The following RAD52 variants were observed in gnomAD, a reference collection of about 807,000 sequenced individuals.
The protein encoded by RAD52 is DNA repair protein RAD52 homolog.
RAD52 carries 47 observed loss-of-function variants against 55.5 expected under a neutral mutation model. The observed-to-expected ratio is 0.85, with a 90% CI of 0.67 to 1.08. The LOEUF is 1.08. RAD52 is among the 50% of genes least tolerant of loss of function. The pLI, the probability that RAD52 is intolerant of heterozygous loss-of-function variation, is 0.00. For missense variants in RAD52, 468 were observed against 522.8 expected (o/e 0.90, Z 1.02); for synonymous variants, 184 against 198.9 (o/e 0.92, Z 0.63).
chr12:925,693 C>G (rs1477283799), intron 6 of RAD52, among the ~76,000 whole-genome samples, 168 bp from the exon 7 acceptor site: 1 of 152,144 alleles, frequency 6.6e-6, no homozygotes, highest in African/African-American at 2.4e-5. Context: ...CATGTTCCTG[C>G]ACTGTGTTAG....
intron 7 of RAD52, among the ~76,000 whole-genome samples, chr12:921,964 G>A (rs1246682580): frequency 4.6e-5 from 7 of 151,818 alleles, no homozygotes; most frequent in Middle Eastern, 3.4e-3. Context: ...AAATTAGCCC[G>A]GCATGGTGGC....
At chr12:925,425 C>T (rs757271884) in intron 7 of RAD52, 25 bp downstream of exon 7, 2 of 1,592,490 alleles carry the variant, frequency 1.3e-6, no homozygotes, top group African/African-American at 1.3e-5. Context: ...ATTATCTTCA[C>T]TCCACTCATC....
In RAD52 at chr12:963,530, T is replaced by A. The variant is rs12816367; in HGVS notation, c.-19+26279A>T. ...AAATTAATGATTTTTAATTATCCCA[T>A]CCATAAATATGGTATAGCTTTCCAC... On this transcript the variant is annotated intron_variant, in intron 1 of 11. Transcript: ENST00000430095. Among the ~76,000 whole-genome samples, 6 of 152,236 alleles carry A rather than the reference T, an allele frequency of 3.9e-5. No homozygotes were observed. The South Asian group carries it at 1.2e-3, about 32-fold the overall frequency.
At chr12:962,163 T>C (rs1958695017) in intron 1 of RAD52, among the ~76,000 whole-genome samples, 1 of 152,176 alleles carries the variant, frequency 6.6e-6, no homozygotes, top group African/African-American at 2.4e-5. Flanking sequence ...GTAAGATAAA[T>C]GGTCTACTGT....
At chr12:971,210 T>C (rs1958845819) in intron 1 of RAD52, among the ~76,000 whole-genome samples, 1 of 152,196 alleles carries the variant, frequency 6.6e-6, no homozygotes, top group African/African-American at 2.4e-5. Flanking sequence ...GCAACCAATA[T>C]GTACGTTCCT....
At chr12:970,146 A>C (rs1398572036) in intron 1 of RAD52, among the ~76,000 whole-genome samples, 1 of 151,878 alleles carries the variant, frequency 6.6e-6, no homozygotes, top group East Asian at 1.9e-4. Flanking sequence ...GTCTCTACTA[A>C]AAATACAAAA....
In RAD52 at chr12:912,103, A is replaced by AATT; in HGVS notation, c.*1285_*1287dup. 1 of 200,032 alleles carries AATT rather than the reference A, an allele frequency of 5.0e-6. No homozygotes were observed. Among genetic ancestry groups the AATT allele is most frequent in the African/African-American group, 2.3e-5 (1 of 43,538 alleles). 12.4% of individuals were successfully genotyped at this position (200,032 alleles called of 1,614,324 possible). On this transcript the variant is annotated 3_prime_UTR_variant, in exon 12 of 12. Coordinates refer to ENST00000358495, the MANE Select transcript of RAD52 (RefSeq NM_134424.4). The stretch of plus-strand genomic sequence containing the variant: ...AAACATCTGAGCACTATGAAAAGCC[A>AATT]ATTTATGGTCAAGGTGGGTTACATC...
chr12:970,681 T>C (rs965922075), intron 1 of RAD52, among the ~76,000 whole-genome samples: 2 of 152,066 alleles, frequency 1.3e-5, no homozygotes, highest in Admixed American at 6.6e-5. Flanking sequence ...GGAGAGGGCA[T>C]TTGGGAGGAG....
intron 1 of RAD52, among the ~76,000 whole-genome samples, chr12:955,304 G>A (rs980471331): frequency 6.6e-6 from 1 of 152,196 alleles, no homozygotes; most frequent in Non-Finnish European, 1.5e-5. Flanking sequence ...TATGTTTACA[G>A]TATAATCCAA....
At chr12:968,806 G>C (rs1565708196) in intron 1 of RAD52, among the ~76,000 whole-genome samples, 1 of 152,010 alleles carries the variant, frequency 6.6e-6, no homozygotes, top group Non-Finnish European at 1.5e-5. Context: ...AGCTCAATAA[G>C]GCAAGGAGCT....
rs1425026731 is a variant in RAD52, at chr12:985,938, C to CT, written c.-19+3870dup. ...ATAGGTATGAGCTAACGCACCTGGC[C>CT]TTTTTTTTTTTTTGAGACAGAGTTT... On this transcript the variant is annotated intron_variant, in intron 1 of 11. Transcript: ENST00000430095. Among the ~76,000 whole-genome samples the CT allele has an allele frequency of 7.6e-3, 1,047 of 138,180 alleles. 8 individuals carry two copies. Among genetic ancestry groups the CT allele is most frequent in the Middle Eastern group, 0.012 (3 of 258 alleles). The allele number at this position is 138,180 out of a possible 152,430, so 90.7% of individuals were successfully genotyped here. A position where few individuals can be genotyped will look rare whatever the true frequency, so the allele number is the denominator to read the frequency against.
chr12:913,806 TAAATG>T, intron 11 of RAD52, 83 bp downstream of exon 11: 1 of 1,241,530 alleles, frequency 8.1e-7, no homozygotes, highest in East Asian at 2.4e-5. Context: ...TATCAAACTT[TAAATG>T]AAATGTCATC....
intron 11 of RAD52, 126 bp downstream of exon 11, chr12:913,768 A>G (rs2154107373): frequency 2.3e-6 from 2 of 882,158 alleles, no homozygotes; most frequent in Non-Finnish European, 3.6e-6. Context: ...TACTTGCAGT[A>G]CCATTCCCTA....
intron 6 of RAD52, 154 bp downstream of exon 6, chr12:926,991 G>A (rs1259552215): frequency 5.1e-6 from 8 of 1,568,820 alleles, no homozygotes; most frequent in Middle Eastern, 1.9e-4. Context: ...GTGGGAAAAC[G>A]GCAGACAGGA....
intron 9 of RAD52, 33 bp downstream of exon 9, chr12:916,311 C>G: frequency 6.3e-7 from 1 of 1,597,128 alleles, no homozygotes; most frequent in Non-Finnish European, 8.5e-7. Flanking sequence ...CCTGCAGACG[C>G]CTCCCAGGGC....
chr12:989,992 G>A (rs977358368), exon 1 of RAD52: 2 of 152,242 alleles, frequency 1.3e-5, no homozygotes, highest in Admixed American at 6.5e-5. Context: ...TACTGAAGGG[G>A]GAGATGACAG....
chr12:966,720 T>C (rs1368582223), intron 1 of RAD52, among the ~76,000 whole-genome samples: 1 of 152,072 alleles, frequency 6.6e-6, no homozygotes, highest in Non-Finnish European at 1.5e-5. Flanking sequence ...GATGCTATTG[T>C]AAGCAAAACA....
chr12:970,557 T>C (rs1358690313), intron 1 of RAD52, among the ~76,000 whole-genome samples: 1 of 152,176 alleles, frequency 6.6e-6, no homozygotes. Flanking sequence ...GTTTGAAAGT[T>C]TGGCCTATTA....
At chr12:965,483 A>T (rs1958748150) in intron 1 of RAD52, among the ~76,000 whole-genome samples, 2 of 151,928 alleles carry the variant, frequency 1.3e-5, no homozygotes, top group Non-Finnish European at 2.9e-5. Flanking sequence ...TTGCCCGCCA[A>T]ATCTCATCTG....
Sources: gnomAD v4.1 joint callset for allele counts (sites outside exome capture counted in the v4.1 genomes callset) on GRCh38, gnomAD v4.1.1 for gene constraint, MANE v1.5 for transcripts, NCBI Gene and HGNC (gene_info 2026-07-23, HGNC 2026-07-21) for gene names.